Variants in RAPGEF4 observed in about 807,000 individuals in gnomAD.
The protein encoded by RAPGEF4 is RAP guanine-nucleotide-exchange factor (GEF) 4.
Under a neutral mutation model 147.9 loss-of-function variants are expected in RAPGEF4, and 66 were observed. The ratio of observed to expected loss-of-function variants is 0.45; its 90% CI spans 0.37 to 0.55. The LOEUF is 0.55. RAPGEF4 is among the 20% of genes least tolerant of loss of function. The pLI, the probability that RAPGEF4 is intolerant of heterozygous loss-of-function variation, is 0.00. For missense variants in RAPGEF4, 1,071 were observed against 1,257.3 expected (o/e 0.85, Z 2.24); for synonymous variants, 419 against 442.7 (o/e 0.95, Z 0.67).
At chr2:172,994,952 G>A (rs16861137) in intron 15 of RAPGEF4, among the ~76,000 whole-genome samples, 6,302 of 151,910 alleles carry the variant, frequency 0.041, 189 homozygotes, top group East Asian at 0.075. Flanking sequence ...GGTCTTGTGC[G>A]CGCACTATAG....
intron 1 of RAPGEF4, among the ~76,000 whole-genome samples, chr2:172,789,075 C>T (rs1387120914): frequency 6.6e-6 from 1 of 152,186 alleles, no homozygotes; most frequent in Non-Finnish European, 1.5e-5. Flanking sequence ...TGCCACATGG[C>T]CCTCTCAGAG....
intron 1 of RAPGEF4, among the ~76,000 whole-genome samples, chr2:172,769,279 CAAAG>C (rs958348061): frequency 6.6e-6 from 1 of 152,042 alleles, no homozygotes; most frequent in Non-Finnish European, 1.5e-5. Flanking sequence ...GTATGAAACT[CAAAG>C]GAAGGCCAGA....
intron 4 of RAPGEF4, among the ~76,000 whole-genome samples, chr2:172,816,613 A>G (rs944462682): frequency 1.3e-5 from 2 of 152,200 alleles, no homozygotes; most frequent in African/African-American, 4.8e-5. Context: ...AATATTTAAT[A>G]GGGACATTGA....
chr2:172,994,491 C>T (rs1693129278), intron 15 of RAPGEF4, among the ~76,000 whole-genome samples: 1 of 152,240 alleles, frequency 6.6e-6, no homozygotes. Context: ...TGAGCGGTCT[C>T]TCCATCTGCA....
intron 1 of RAPGEF4, among the ~76,000 whole-genome samples, chr2:172,748,559 C>T (rs185061446): frequency 2.3e-3 from 353 of 152,238 alleles, no homozygotes; most frequent in African/African-American, 8.0e-3. Context: ...TATCTCCCAC[C>T]GGGTCCCCTC....
intron 3 of RAPGEF4, among the ~76,000 whole-genome samples, chr2:172,802,500 A>G (rs1687079948): frequency 6.6e-6 from 1 of 152,150 alleles, no homozygotes; most frequent in Non-Finnish European, 1.5e-5. Flanking sequence ...CACCCCCATA[A>G]TTCAATTACC....
chr2:172,910,061 A>G (rs986833328), intron 4 of RAPGEF4, among the ~76,000 whole-genome samples: 1 of 152,192 alleles, frequency 6.6e-6, no homozygotes, highest in African/African-American at 2.4e-5. Context: ...GACCAGCCCC[A>G]TCAGTCCAGC....
chr2:172,884,834 A>G (rs1697007366), intron 4 of RAPGEF4, among the ~76,000 whole-genome samples: 1 of 152,240 alleles, frequency 6.6e-6, no homozygotes, highest in African/African-American at 2.4e-5. Flanking sequence ...TTTGATCATA[A>G]AAGGGAGAAA....
intron 4 of RAPGEF4, among the ~76,000 whole-genome samples, chr2:172,893,195 G>A (rs766000688): frequency 1.2e-4 from 18 of 152,320 alleles, no homozygotes; most frequent in East Asian, 7.7e-4. Flanking sequence ...GGTCCACAGC[G>A]AGGAGTTGTA....
At chr2:173,024,281 G>A (rs1210126468) in intron 23 of RAPGEF4, among the ~76,000 whole-genome samples, 1 of 138,536 alleles carries the variant, frequency 7.2e-6, no homozygotes, top group Non-Finnish European at 1.6e-5. Flanking sequence ...GCAGTGGCGG[G>A]ATCTCGGCTC....
In RAPGEF4 at chr2:172,951,294, A is replaced by G. The variant is rs116615550; in HGVS notation, c.538-9466A>G. Among the ~76,000 whole-genome samples the G allele has an allele frequency of 7.6e-3, 1,153 of 152,336 alleles. 12 individuals are homozygous for G. Among genetic ancestry groups the G allele is most frequent in the African/African-American group, 0.025 (1,050 of 41,562 alleles). ...AACATCCCTTCATATACCTGAACAC[A>G]TAAGTTACTCTCAGTTTTCTCTTTG... On this transcript the variant is annotated intron_variant, in intron 6 of 30. Transcript: ENST00000397081.
intron 4 of RAPGEF4, among the ~76,000 whole-genome samples, chr2:172,815,073 C>T (rs1688370840): frequency 6.6e-6 from 1 of 152,170 alleles, no homozygotes; most frequent in Non-Finnish European, 1.5e-5. Flanking sequence ...AAATAGAGCA[C>T]TTATAAAGGC....
In RAPGEF4 at chr2:172,860,008, C is replaced by A. The variant is rs369553777; in HGVS notation, c.444+45583C>A. ...ATGGAAAACAGGGAGGGGTGGGGGA[C>A]AACAACCCTGCTCTGTTCACTGGCT... On this transcript the variant is annotated intron_variant, in intron 4 of 30. Coordinates refer to ENST00000397081, the MANE Select transcript of RAPGEF4 (RefSeq NM_007023.4). The A allele has an allele frequency of 7.2e-5, 71 of 985,128 alleles. 1 individual carries two copies. In the South Asian group the frequency reaches 1.5e-3, roughly 20 times the overall value. The allele number at this position is 985,128 out of a possible 1,614,324, so 61.0% of individuals were successfully genotyped here. A position where few individuals can be genotyped will look rare whatever the true frequency, so the allele number is the denominator to read the frequency against.
intron 6 of RAPGEF4, among the ~76,000 whole-genome samples, chr2:172,952,156 A>T (rs1222090007): frequency 1.3e-5 from 2 of 152,202 alleles, no homozygotes; most frequent in African/African-American, 2.4e-5. Context: ...GACTGCAGGC[A>T]TGTGCCACCA....
intron 12 of RAPGEF4, 121 bp downstream of exon 12, chr2:172,985,614 AG>A: frequency 6.6e-7 from 1 of 1,514,354 alleles, no homozygotes; most frequent in Non-Finnish European, 8.8e-7. Flanking sequence ...GTGACTTGGC[AG>A]GGTGTCCTGT....
chr2:172,927,635 T>TA (rs146175839), intron 6 of RAPGEF4, among the ~76,000 whole-genome samples: 72,820 of 148,744 alleles, frequency 0.49, 18,380 homozygotes, highest in East Asian at 0.68. Flanking sequence ...ACCTTGTCTC[T>TA]AAAAAAAAAA....
chr2:172,880,760 C>T (rs1341350707), intron 4 of RAPGEF4, among the ~76,000 whole-genome samples: 2 of 152,180 alleles, frequency 1.3e-5, no homozygotes, highest in African/African-American at 2.4e-5. Context: ...TCAGTTTCCT[C>T]CTCTGTAAAA....
chr2:173,048,593 C>G lies in RAPGEF4; in HGVS notation c.2854-7C>G. The G allele has an allele frequency of 6.2e-7, 1 of 1,613,620 alleles. No individual in the cohort carries two copies. The highest frequency in any genetic ancestry group is 8.5e-7 in the Non-Finnish European group (1 of 1,179,864). ...TTCTATCTTTCTTTTTTCTATATTC[C>G]TTTTAGCGCATGATTGCAAATACGG... is the stretch of plus-strand genomic sequence containing the variant. On this transcript the variant is annotated splice_polypyrimidine_tract_variant and splice_region_variant and intron_variant, in intron 29 of 30. Coordinates refer to ENST00000397081, the MANE Select transcript of RAPGEF4 (RefSeq NM_007023.4).
chr2:172,783,981 A>G (rs1375448440), intron 1 of RAPGEF4, among the ~76,000 whole-genome samples: 2 of 152,198 alleles, frequency 1.3e-5, no homozygotes, highest in Non-Finnish European at 2.9e-5. Flanking sequence ...TAATGCCTTC[A>G]TGAAGTCTTT....
Sources: gnomAD v4.1 joint callset for allele counts (sites outside exome capture counted in the v4.1 genomes callset) on GRCh38, gnomAD v4.1.1 for gene constraint, MANE v1.5 for transcripts, NCBI Gene and HGNC (gene_info 2026-07-23, HGNC 2026-07-21) for gene names.